The following CTNND2 variants were observed in gnomAD, a reference collection of about 807,000 sequenced individuals.
The protein encoded by CTNND2 is catenin delta-2.
A neutral mutation model predicts 144.4 loss-of-function variants in CTNND2; 22 were observed. The ratio of observed to expected loss-of-function variants is 0.15; its 90% CI spans 0.11 to 0.22. The LOEUF is 0.22. CTNND2 is among the 10% of genes least tolerant of loss of function. CTNND2 has a pLI of 1.00. For synonymous variants in CTNND2, 751 were observed against 695.6 expected (o/e 1.08, Z -1.25); for missense variants, 1,353 against 1,618.8 (o/e 0.84, Z 2.82).
chr5:11,443,275 A>ATGTGTGCATGTGTGTGGTG (rs1368071265), intron 3 of CTNND2, among the ~76,000 whole-genome samples: 2 of 58,058 alleles, frequency 3.4e-5, no homozygotes, highest in South Asian at 6.1e-4. Context: ...TGTGTGTGGT[A>ATGTGTGCATGTGTGTGGTG]TGTGTGCATG....
intron 1 of CTNND2, among the ~76,000 whole-genome samples, chr5:11,836,442 A>G (rs1794185119): frequency 1.3e-5 from 2 of 152,080 alleles, no homozygotes; most frequent in Admixed American, 6.5e-5. Flanking sequence ...TCTGTAACAC[A>G]TTAGCTCCAC....
chr5:11,667,127 T>C (rs961874749), intron 2 of CTNND2, among the ~76,000 whole-genome samples: 2 of 152,184 alleles, frequency 1.3e-5, no homozygotes, highest in Admixed American at 6.5e-5. Context: ...TAATATTCCA[T>C]GGTGTCTATG....
intron 9 of CTNND2, among the ~76,000 whole-genome samples, chr5:11,323,232 G>GGA (rs377370261): frequency 1.8e-3 from 18 of 10,070 alleles, no homozygotes; most frequent in African/African-American, 5.0e-3. Flanking sequence ...TTTAGAGATT[G>GGA]GGGGGGGGGG....
At chr5:11,009,544 A>C (rs1200123990) in intron 18 of CTNND2, among the ~76,000 whole-genome samples, 2 of 152,242 alleles carry the variant, frequency 1.3e-5, no homozygotes, top group African/African-American at 4.8e-5. Context: ...ATTGCCCCAA[A>C]GTAAGTGAGA....
At chr5:11,313,692 G>A (rs1409117970) in intron 9 of CTNND2, among the ~76,000 whole-genome samples, 1 of 152,152 alleles carries the variant, frequency 6.6e-6, no homozygotes, top group Non-Finnish European at 1.5e-5. Flanking sequence ...AGCTGCAACT[G>A]GGTAATTGCA....
rs1016776118 is a variant in CTNND2 at position 11,023,070 on chromosome 5, G to T, written c.2789-91C>A. 4.4e-6 allele frequency: 5 copies of T among 1,136,134 alleles called. No individual in the cohort carries two copies. The African/African-American group carries it at 6.1e-5, about 14-fold the overall frequency. 70.4% of individuals were successfully genotyped at this position (1,136,134 alleles called of 1,614,324 possible). The stretch of plus-strand genomic sequence containing the variant: ...GTGGGTATGGGGGAGAAGAGAATAC[G>T]AGAGGCCACGTTTATGCAAAATTGT... On this transcript the variant is annotated intron_variant, in intron 16 of 21. Transcript: ENST00000304623.
In CTNND2 at chr5:11,159,734, G is replaced by C; in HGVS notation, c.2001C>G (p.Cys667Trp). Reference protein sequence around the residue: ...VTGVLWNLSSCDALKMPIIQD... With the variant: ...VTGVLWNLSSWDALKMPIIQD... ...GGATGATTGGCATTTTGAGTGCATC[G>C]CATGAGGAGAGGTTCCAAAGGACTC... Residue 667 changes from cysteine to tryptophan, a missense_variant, in exon 12 of 22, where the codon TGC becomes TGG. By Grantham distance (215) the Cys-to-Trp change is radical. Transcript: ENST00000304623. The C allele has an allele frequency of 6.2e-7, 1 of 1,601,520 alleles. No individual in the cohort carries two copies. Among genetic ancestry groups the C allele is most frequent in the Non-Finnish European group, 8.5e-7 (1 of 1,173,662 alleles).
At chr5:11,168,536 T>C (rs188085175) in intron 11 of CTNND2, among the ~76,000 whole-genome samples, 71 of 152,316 alleles carry the variant, frequency 4.7e-4, no homozygotes, top group African/African-American at 1.5e-3. Flanking sequence ...ACTATAGCCT[T>C]CCTCAATGAC....
chr5:11,324,027 A>G (rs1752299928), intron 9 of CTNND2, among the ~76,000 whole-genome samples: 1 of 152,124 alleles, frequency 6.6e-6, no homozygotes, highest in South Asian at 2.1e-4. Flanking sequence ...CTCGATGGAC[A>G]CTCAATCCAG....
chr5:11,409,789 A>T (rs2149835283), intron 5 of CTNND2, among the ~76,000 whole-genome samples: 1 of 152,184 alleles, frequency 6.6e-6, no homozygotes, highest in African/African-American at 2.4e-5. Flanking sequence ...CACTTATTTC[A>T]TTAAATGTTA....
Position 11,251,697 on chromosome 5 carries a change from A to G in CTNND2, c.1629-14874T>C, listed in dbSNP as rs556553548. 2.6e-5 allele frequency among the ~76,000 whole-genome samples: 4 copies of G among 152,344 alleles called. No individual in the cohort carries two copies. In the South Asian group the frequency reaches 8.3e-4, roughly 32 times the overall value. On this transcript the variant is annotated intron_variant, in intron 9 of 21. Coordinates refer to ENST00000304623, the MANE Select transcript of CTNND2 (RefSeq NM_001332.4). ...TTAATGAAAAACTTCAGCAAAATGA[A>G]CAATTATTGGGAGAAGGGCAAATTA...
At chr5:11,137,994 C>T (rs976814351) in intron 12 of CTNND2, among the ~76,000 whole-genome samples, 21 of 152,196 alleles carry the variant, frequency 1.4e-4, no homozygotes, top group African/African-American at 5.1e-4. Flanking sequence ...ATCAGCAGGG[C>T]TGCATTACTT....
At chr5:11,287,372 C>G (rs1747859585) in intron 9 of CTNND2, among the ~76,000 whole-genome samples, 2 of 152,192 alleles carry the variant, frequency 1.3e-5, no homozygotes. Flanking sequence ...GAGTCTCCAG[C>G]CCTGCTGACC....
At chr5:11,664,942 T>A (rs965157640) in intron 2 of CTNND2, among the ~76,000 whole-genome samples, 3 of 152,150 alleles carry the variant, frequency 2.0e-5, no homozygotes, top group Non-Finnish European at 2.9e-5. Context: ...GAAGAAAGAA[T>A]CCTAGTGAAA....
chr5:11,454,265 T>A (rs1423736636), intron 3 of CTNND2, among the ~76,000 whole-genome samples: 1 of 151,840 alleles, frequency 6.6e-6, no homozygotes, highest in African/African-American at 2.4e-5. Flanking sequence ...ACTAAAAATA[T>A]AAAATTTAGC....
chr5:11,817,874 C>T (rs998959227), intron 1 of CTNND2, among the ~76,000 whole-genome samples: 3 of 151,054 alleles, frequency 2.0e-5, no homozygotes, highest in African/African-American at 4.9e-5. Flanking sequence ...GGAAGAAGCA[C>T]ATAATCTGAT....
chr5:11,536,717 A>T (rs1196008799), intron 3 of CTNND2, among the ~76,000 whole-genome samples: 1 of 151,844 alleles, frequency 6.6e-6, no homozygotes, highest in Non-Finnish European at 1.5e-5. Flanking sequence ...GACTTTGGGG[A>T]CTCAGAAGAA....
At position 11,882,561 on chromosome 5, in the gene CTNND2, T is replaced by C. The variant is rs138075820; in HGVS notation, c.37+21256A>G. ...TAAAAAGCATGTATTAAAAAGATTG[T>C]CTTTTCCCCCACTGTGTGTATTCTT... On this transcript the variant is annotated intron_variant, in intron 1 of 21. Coordinates refer to ENST00000304623, the MANE Select transcript of CTNND2 (RefSeq NM_001332.4). Among the ~76,000 whole-genome samples the C allele has an allele frequency of 6.8e-3, 1,028 of 152,202 alleles. 8 individuals carry two copies. The highest frequency in any genetic ancestry group is 0.024 in the African/African-American group (992 of 41,544).
chr5:11,672,460 T>G (rs954364641), intron 2 of CTNND2, among the ~76,000 whole-genome samples: 3 of 152,186 alleles, frequency 2.0e-5, no homozygotes, highest in Non-Finnish European at 4.4e-5. Flanking sequence ...GCTGCTCACT[T>G]TTTTTCAGAG....
Sources: allele counts gnomAD v4.1 joint callset (sites outside exome capture counted in the v4.1 genomes callset), GRCh38; gene constraint gnomAD v4.1.1; transcripts MANE v1.5; gene names NCBI Gene and HGNC (gene_info 2026-07-23, HGNC 2026-07-21).